Variants in MAGI3 observed in about 807,000 individuals in gnomAD.
MAGI3 encodes membrane associated guanylate kinase, WW and PDZ domain containing 3, also known as membrane-associated guanylate kinase, WW and PDZ domain-containing protein 3.
In MAGI3, 43 loss-of-function variants were observed where a neutral mutation model predicts 121.8. The ratio of observed to expected loss-of-function variants is 0.35; its 90% CI spans 0.28 to 0.46. The LOEUF (loss-of-function observed/expected upper bound fraction) is 0.46. MAGI3 is among the 20% of genes least tolerant of loss of function. The pLI is 1.00. For synonymous variants in MAGI3, 553 were observed against 639.3 expected (o/e 0.86, Z 2.04); for missense variants, 1,547 against 1,797.3 (o/e 0.86, Z 2.52).
intron 1 of MAGI3, among the ~76,000 whole-genome samples, chr1:113,543,000 C>T (rs1423734441): frequency 6.6e-6 from 1 of 151,952 alleles, no homozygotes; most frequent in Non-Finnish European, 1.5e-5. Flanking sequence ...CAAAGGTTAT[C>T]ATGAGGAGTG....
rs773849244 is a variant in MAGI3, at chr1:113,646,666, G to A, written c.2155+24G>A. The A allele has an allele frequency of 2.6e-6, 4 of 1,552,436 alleles. 1 individual carries two copies. The South Asian group carries it at 3.6e-5, about 14-fold the overall frequency. ...ACGTAAGTAGTTGTGGAATATTTCA[G>A]GAGAGCATATAACAAGATAAATTTG... On this transcript the variant is annotated intron_variant, in intron 12 of 20. Coordinates refer to ENST00000307546, the MANE Select transcript of MAGI3 (RefSeq NM_001142782.2).
Position 113,544,158 on chromosome 1 carries a change from C to T in MAGI3, c.317-5357C>T, listed in dbSNP as rs570963100. Among the ~76,000 whole-genome samples the T allele has an allele frequency of 1.5e-3, 235 of 152,290 alleles. 2 individuals are homozygous for T. In the South Asian group the frequency reaches 0.016, roughly 10 times the overall value. On this transcript the variant is annotated intron_variant, in intron 1 of 20. Transcript: ENST00000307546. ...TGATTTATTATTTTTTAGGGATCCC[C>T]TTCCTTGAGCCAGGGAGCCAGTCTG...
At chr1:113,514,522 A>G (rs1387568283) in intron 1 of MAGI3, among the ~76,000 whole-genome samples, 6 of 151,968 alleles carry the variant, frequency 3.9e-5, no homozygotes, top group Admixed American at 3.3e-4. Context: ...AACTATCGCA[A>G]GAACAAAAAA....
intron 1 of MAGI3, among the ~76,000 whole-genome samples, chr1:113,529,467 C>T (rs550207725): frequency 2.0e-5 from 3 of 152,254 alleles, no homozygotes; most frequent in African/African-American, 7.2e-5. Flanking sequence ...GGACGCTGTT[C>T]CCATTGATGC....
At chr1:113,449,596 TCCCAA>T in intron 1 of MAGI3, 5 of 632,246 alleles carry the variant, frequency 7.9e-6, no homozygotes, top group African/African-American at 3.7e-5. Context: ...CATTTTTTTT[TCCCAA>T]TAGATTGAGT....
At chr1:113,469,623 A>C (rs1451734436) in intron 1 of MAGI3, among the ~76,000 whole-genome samples, 1 of 152,146 alleles carries the variant, frequency 6.6e-6, no homozygotes, top group African/African-American at 2.4e-5. Flanking sequence ...TGTATGAGTG[A>C]AAAATTATCA....
chr1:113,633,497 G>A (rs1651798718), intron 9 of MAGI3, among the ~76,000 whole-genome samples: 1 of 151,588 alleles, frequency 6.6e-6, no homozygotes, highest in Non-Finnish European at 1.5e-5. Flanking sequence ...TCCTGACCTC[G>A]TGATCCGCCC....
At chr1:113,650,000 G>A (rs1653067733) in intron 13 of MAGI3, among the ~76,000 whole-genome samples, 1 of 152,060 alleles carries the variant, frequency 6.6e-6, no homozygotes, top group African/African-American at 2.4e-5. Context: ...AAGAAGTAAT[G>A]TGTTCTGTAG....
At chr1:113,602,970 A>T (rs1171806187) in intron 6 of MAGI3, among the ~76,000 whole-genome samples, 1 of 148,558 alleles carries the variant, frequency 6.7e-6, no homozygotes, top group African/African-American at 2.4e-5. Flanking sequence ...ATGTATACAC[A>T]TATATATATA....
At chr1:113,542,606 C>T (rs922786610) in intron 1 of MAGI3, among the ~76,000 whole-genome samples, 1 of 152,158 alleles carries the variant, frequency 6.6e-6, no homozygotes, top group Admixed American at 6.5e-5. Flanking sequence ...CTGCGTTTAG[C>T]CCTAAGTACC....
At chr1:113,445,416 A>G (rs1654129867) in intron 1 of MAGI3, among the ~76,000 whole-genome samples, 1 of 152,090 alleles carries the variant, frequency 6.6e-6, no homozygotes, top group Non-Finnish European at 1.5e-5. Flanking sequence ...AGCCTGGGCA[A>G]CATAGTGAGA....
chr1:113,485,042 A>T lies in MAGI3; in HGVS notation c.317-64473A>T, dbSNP rs11803682. Among the ~76,000 whole-genome samples the T allele has an allele frequency of 8.9e-3, 1,354 of 152,124 alleles. 9 individuals are homozygous for T. The highest frequency in any genetic ancestry group is 0.027 in the Middle Eastern group (8 of 294). Reference sequence around the variant, plus strand: ...CCACCACGCCTAACCCATATATACCATATTTTCTTTATCCACTCATTGTGA... The same window carrying T: ...CCACCACGCCTAACCCATATATACCTTATTTTCTTTATCCACTCATTGTGA... On this transcript the variant is annotated intron_variant, in intron 1 of 20. Transcript: ENST00000307546.
chr1:113,538,136 A>G (rs143140479), intron 1 of MAGI3, among the ~76,000 whole-genome samples: 2 of 152,308 alleles, frequency 1.3e-5, no homozygotes, highest in East Asian at 3.9e-4. Context: ...CAGAGGTTGA[A>G]ATTGTTTACA....
At chr1:113,627,366 A>C (rs1651306623) in intron 9 of MAGI3, among the ~76,000 whole-genome samples, 1 of 151,814 alleles carries the variant, frequency 6.6e-6, no homozygotes, top group Non-Finnish European at 1.5e-5. Flanking sequence ...TCTATCCTTG[A>C]ATGATGCCGT....
intron 1 of MAGI3, among the ~76,000 whole-genome samples, chr1:113,400,039 G>GTA (rs1293189689): frequency 6.6e-6 from 1 of 152,056 alleles, no homozygotes; most frequent in Non-Finnish European, 1.5e-5. Context: ...TATAAAATGG[G>GTA]TATATAAGAG....
rs1557891726 is a variant in MAGI3 at position 113,683,247 on chromosome 1, C to G, written c.3679C>G (p.Pro1227Ala). 1 of 1,613,028 alleles carries G rather than the reference C, an allele frequency of 6.2e-7. No individual in the cohort carries two copies. Among genetic ancestry groups the G allele is most frequent in the Non-Finnish European group, 8.5e-7 (1 of 1,179,670 alleles). The change falls in exon 21 of 21, where the codon CCA becomes GCA. Residue 1227 changes from proline (P) to alanine (A), a missense_variant. Coordinates refer to ENST00000307546, the MANE Select transcript of MAGI3 (RefSeq NM_001142782.2). Reference protein sequence around the residue: ...RRGRSVSPKKPASQHSEEHLD... With the variant: ...RRGRSVSPKKAASQHSEEHLD... ...AGGTAGATCGGTTAGTCCCAAAAAG[C>G]CAGCCAGTCAACATTCAGAGGAACA...
At chr1:113,531,371 T>C (rs1658711017) in intron 1 of MAGI3, among the ~76,000 whole-genome samples, 1 of 152,148 alleles carries the variant, frequency 6.6e-6, no homozygotes, top group South Asian at 2.1e-4. Context: ...TTAGTTAGGT[T>C]TAATTTTTAA....
intron 7 of MAGI3, among the ~76,000 whole-genome samples, chr1:113,617,344 C>T (rs993266990): frequency 2.0e-5 from 3 of 152,104 alleles, no homozygotes; most frequent in African/African-American, 7.2e-5. Flanking sequence ...GTAATATTCT[C>T]CTCTCTTATT....
chr1:113,602,517 A>G (rs370591947), intron 6 of MAGI3, among the ~76,000 whole-genome samples: 12 of 152,352 alleles, frequency 7.9e-5, no homozygotes, highest in African/African-American at 2.4e-4. Context: ...AGTCTGAAAG[A>G]TCACAAATTG....
Sources: allele counts gnomAD v4.1 joint callset (sites outside exome capture counted in the v4.1 genomes callset), GRCh38; gene constraint gnomAD v4.1.1; transcripts MANE v1.5; gene names NCBI Gene and HGNC (gene_info 2026-07-23, HGNC 2026-07-21).